The following ASIC2 variants were observed in gnomAD, a reference collection of about 807,000 sequenced individuals.
The protein encoded by ASIC2 is acid-sensing ion channel 2.
In ASIC2, 25 loss-of-function variants were observed where a neutral mutation model predicts 57.3. The ratio of observed to expected loss-of-function variants is 0.44; its 90% CI spans 0.32 to 0.61. The LOEUF (loss-of-function observed/expected upper bound fraction) is 0.61, where lower values mean the gene tolerates loss of function less well. ASIC2 is among the 20% of genes least tolerant of loss of function. The pLI, the probability that ASIC2 is intolerant of heterozygous loss-of-function variation, is 0.06. For missense variants in ASIC2, 641 were observed against 738.1 expected, an observed-to-expected ratio of 0.87 and a Z score of 1.52; for synonymous variants, 319 against 307.5, an observed-to-expected ratio of 1.04 and a Z score of -0.39.
intron 1 of ASIC2, among the ~76,000 whole-genome samples, chr17:33,147,329 T>G (rs1023961289): frequency 2.0e-4 from 31 of 152,204 alleles, no homozygotes; most frequent in Non-Finnish European, 2.9e-5. Flanking sequence ...TGGATTCAGA[T>G]CCAAATATCC....
intron 1 of ASIC2, among the ~76,000 whole-genome samples, chr17:33,706,756 A>G (rs1908874588): frequency 6.6e-6 from 1 of 152,178 alleles, no homozygotes; most frequent in Non-Finnish European, 1.5e-5. Context: ...CAAGCACATG[A>G]AATAATCTGT....
At chr17:33,126,523 G>A (rs1457545092) in intron 1 of ASIC2, among the ~76,000 whole-genome samples, 4 of 152,152 alleles carry the variant, frequency 2.6e-5, no homozygotes, top group Admixed American at 6.5e-5. Context: ...CATGGCTCAC[G>A]CCTATAATCC....
intron 1 of ASIC2, among the ~76,000 whole-genome samples, chr17:33,276,037 A>G (rs1247751711): frequency 1.3e-5 from 2 of 152,236 alleles, no homozygotes; most frequent in South Asian, 2.1e-4. Context: ...TCAGCACCAG[A>G]CTGGAGAGGC....
intron 1 of ASIC2, among the ~76,000 whole-genome samples, chr17:34,000,508 C>T (rs1411508699): frequency 6.6e-6 from 1 of 152,154 alleles, no homozygotes; most frequent in African/African-American, 2.4e-5. Context: ...CCACCTCAGC[C>T]TCCCAAAGTG....
At chr17:34,109,852 G>A (rs1372527701) in intron 1 of ASIC2, among the ~76,000 whole-genome samples, 1 of 152,062 alleles carries the variant, frequency 6.6e-6, no homozygotes, top group Non-Finnish European at 1.5e-5. Context: ...TCCAGGTATT[G>A]TAACACTGAA....
intron 1 of ASIC2, among the ~76,000 whole-genome samples, chr17:33,906,764 T>C (rs1915359052): frequency 6.6e-6 from 1 of 152,244 alleles, no homozygotes; most frequent in Admixed American, 6.5e-5. Context: ...AAAAAGGATC[T>C]GACATCAGTT....
intron 1 of ASIC2, among the ~76,000 whole-genome samples, chr17:33,855,643 G>A (rs191009497): frequency 1.3e-5 from 2 of 152,256 alleles, no homozygotes; most frequent in Admixed American, 1.3e-4. Context: ...TGATGATGGG[G>A]ATGATGATGG....
At chr17:33,175,661 T>G (rs574614642) in intron 1 of ASIC2, among the ~76,000 whole-genome samples, 71 of 152,246 alleles carry the variant, frequency 4.7e-4, no homozygotes, top group African/African-American at 1.4e-3. Flanking sequence ...TTGTAAAAGC[T>G]TTCTCATTCA....
chr17:33,102,655 T>C (rs2092216269), intron 2 of ASIC2, among the ~76,000 whole-genome samples: 1 of 152,230 alleles, frequency 6.6e-6, no homozygotes, highest in Non-Finnish European at 1.5e-5. Flanking sequence ...GATTTTCTTA[T>C]TTTTCTCTCA....
intron 1 of ASIC2, among the ~76,000 whole-genome samples, chr17:33,848,969 G>A (rs1432511790): frequency 1.3e-5 from 2 of 152,204 alleles, no homozygotes; most frequent in Admixed American, 1.3e-4. Context: ...CTTTGTTAAA[G>A]TAACATACCT....
At chr17:33,719,466 C>T (rs1321501733) in intron 1 of ASIC2, among the ~76,000 whole-genome samples, 1 of 152,218 alleles carries the variant, frequency 6.6e-6, no homozygotes, top group Non-Finnish European at 1.5e-5. Flanking sequence ...AAGGAGTGCA[C>T]CTTCTCAAGG....
At chr17:34,109,005 G>A (rs1485459053) in intron 1 of ASIC2, among the ~76,000 whole-genome samples, 1 of 150,398 alleles carries the variant, frequency 6.6e-6, no homozygotes. Context: ...AACATATTTT[G>A]TCTATTTTCT....
chr17:33,780,158 A>G (rs1478316830), intron 1 of ASIC2, among the ~76,000 whole-genome samples: 5 of 151,768 alleles, frequency 3.3e-5, no homozygotes, highest in Non-Finnish European at 2.9e-5. Context: ...TTTGGTAGAG[A>G]CGGGGTTTTG....
At chr17:33,669,997 A>G (rs1907595367) in intron 1 of ASIC2, among the ~76,000 whole-genome samples, 1 of 152,150 alleles carries the variant, frequency 6.6e-6, no homozygotes, top group Admixed American at 6.6e-5. Flanking sequence ...AGTGGAGGGA[A>G]TGGGGGTTTA....
chr17:33,963,910 A>T (rs796273909), intron 1 of ASIC2, among the ~76,000 whole-genome samples: 7 of 152,348 alleles, frequency 4.6e-5, no homozygotes, highest in African/African-American at 1.4e-4. Flanking sequence ...TAAATTTGGC[A>T]TTAGGAAATC....
chr17:33,840,132 A>G (rs35003549), intron 1 of ASIC2, among the ~76,000 whole-genome samples: 3,862 of 152,250 alleles, frequency 0.025, 184 homozygotes, highest in African/African-American at 0.089. Context: ...TCTGGCTTAT[A>G]TATTTGTTCA....
intron 1 of ASIC2, among the ~76,000 whole-genome samples, chr17:33,998,310 T>A (rs2142013763): frequency 6.6e-6 from 1 of 152,248 alleles, no homozygotes; most frequent in South Asian, 2.1e-4. Flanking sequence ...ATTTTATTTA[T>A]CTTTTTAAAA....
chr17:33,444,470 G>A (rs1311993055), intron 1 of ASIC2, among the ~76,000 whole-genome samples: 1 of 152,210 alleles, frequency 6.6e-6, no homozygotes, highest in East Asian at 1.9e-4. Flanking sequence ...AGAATGAAAT[G>A]CATGGTCTAC....
intron 3 of ASIC2, among the ~76,000 whole-genome samples, chr17:33,051,660 T>C (rs144879875): frequency 6.6e-6 from 1 of 152,222 alleles, no homozygotes; most frequent in African/African-American, 2.4e-5. Flanking sequence ...CTTCTTTGAG[T>C]ATCAGTTACC....
Sources: allele counts gnomAD v4.1 joint callset (sites outside exome capture counted in the v4.1 genomes callset), GRCh38; gene constraint gnomAD v4.1.1; transcripts MANE v1.5; gene names NCBI Gene and HGNC (gene_info 2026-07-23, HGNC 2026-07-21).